Variants in KCNK10 observed in about 807,000 individuals in gnomAD.
KCNK10 encodes potassium channel subfamily K member 10.
In KCNK10, 25 loss-of-function variants were observed where a neutral mutation model predicts 47.7. The ratio of observed to expected loss-of-function variants is 0.52; its 90% CI spans 0.38 to 0.73. The LOEUF is 0.73. Ranked by LOEUF, KCNK10 falls within the 30% of genes least tolerant of loss-of-function variation. The pLI is 0.00. For synonymous variants in KCNK10, 303 were observed against 285.6 expected (o/e 1.06, Z -0.61); for missense variants, 563 against 714.5 (o/e 0.79, Z 2.42).
At chr14:88,247,315 C>T (rs1046998098) in intron 2 of KCNK10, among the ~76,000 whole-genome samples, 3 of 152,130 alleles carry the variant, frequency 2.0e-5, no homozygotes, top group Non-Finnish European at 4.4e-5. Flanking sequence ...CAGACACAGC[C>T]AATATGGCAG....
chr14:88,192,990 T>C (rs1386470165), intron 4 of KCNK10, among the ~76,000 whole-genome samples: 2 of 152,234 alleles, frequency 1.3e-5, no homozygotes, highest in South Asian at 2.1e-4. Context: ...TGTGTGTTTC[T>C]TCGCCCCCAC....
intron 2 of KCNK10, among the ~76,000 whole-genome samples, chr14:88,249,398 A>G (rs1206630292): frequency 1.3e-5 from 2 of 152,210 alleles, no homozygotes; most frequent in African/African-American, 4.8e-5. Flanking sequence ...CTGCCACTCT[A>G]AAGGACAACC....
At chr14:88,228,798 A>G (rs914467405) in intron 3 of KCNK10, among the ~76,000 whole-genome samples, 2 of 152,208 alleles carry the variant, frequency 1.3e-5, no homozygotes, top group African/African-American at 2.4e-5. Flanking sequence ...AATCTAAATT[A>G]CAGCTTCCAT....
chr14:88,198,925 A>ATTTTATTTTATTTTATTTTATTTTG (rs1885011436), intron 4 of KCNK10, among the ~76,000 whole-genome samples: 1 of 149,862 alleles, frequency 6.7e-6, no homozygotes, highest in Admixed American at 6.7e-5. Context: ...ATTTTATTTT[A>ATTTTATTTTATTTTATTTTATTTTG]TTTTATTTTT....
chr14:88,306,388 T>C (rs1202536216), intron 1 of KCNK10, among the ~76,000 whole-genome samples: 3 of 152,166 alleles, frequency 2.0e-5, no homozygotes, highest in Non-Finnish European at 2.9e-5. Flanking sequence ...GAAATCTCAT[T>C]TGCATTTTAA....
chr14:88,268,633 T>A (rs1887332828), intron 1 of KCNK10, among the ~76,000 whole-genome samples: 1 of 152,182 alleles, frequency 6.6e-6, no homozygotes, highest in Non-Finnish European at 1.5e-5. Flanking sequence ...CAAATAGGCA[T>A]TAAAAATATT....
At chr14:88,201,690 C>G (rs550155507) in intron 4 of KCNK10, among the ~76,000 whole-genome samples, 2 of 152,240 alleles carry the variant, frequency 1.3e-5, no homozygotes, top group East Asian at 3.9e-4. Flanking sequence ...GAAGGCTACA[C>G]TGAAGCCTAT....
intron 1 of KCNK10, among the ~76,000 whole-genome samples, chr14:88,299,576 C>A (rs78018506): frequency 0.056 from 8,456 of 152,162 alleles, 423 homozygotes; most frequent in East Asian, 0.22. Context: ...AGCACATGAA[C>A]CATAGGTACA....
intron 2 of KCNK10, among the ~76,000 whole-genome samples, chr14:88,254,867 C>T (rs1246827015): frequency 6.8e-6 from 1 of 147,392 alleles, no homozygotes; most frequent in East Asian, 2.2e-4. Context: ...CTACTCGGTT[C>T]GCTTGAGAGA....
intron 1 of KCNK10, among the ~76,000 whole-genome samples, chr14:88,282,030 C>T (rs1456338724): frequency 6.6e-6 from 1 of 151,996 alleles, no homozygotes; most frequent in African/African-American, 2.4e-5. Flanking sequence ...AGGGCAGAAA[C>T]CCTGCTCATT....
chr14:88,325,813 G>T (rs182083820), upstream of KCNK10, among the ~76,000 whole-genome samples: 5 of 152,254 alleles, frequency 3.3e-5, no homozygotes, highest in East Asian at 9.7e-4. Flanking sequence ...ACATCATTCG[G>T]CCAATCAACA....
intron 1 of KCNK10, among the ~76,000 whole-genome samples, chr14:88,318,089 T>A (rs1888466382): frequency 1.3e-5 from 2 of 152,270 alleles, no homozygotes; most frequent in Admixed American, 6.5e-5. Context: ...AACAGCGCAC[T>A]GGAGGTTTAG....
rs1169649212 is a variant in KCNK10, at chr14:88,180,859, T to C, written c.*4676A>G. The C allele has an allele frequency of 2.5e-6, 1 of 398,484 alleles. No individual in the cohort carries two copies. Among genetic ancestry groups the C allele is most frequent in the African/African-American group, 2.1e-5 (1 of 48,594 alleles). 24.7% of individuals were successfully genotyped at this position (398,484 alleles called of 1,614,324 possible). On this transcript the variant is annotated 3_prime_UTR_variant, in exon 7 of 7. Coordinates refer to ENST00000319231, the MANE Select transcript of KCNK10 (RefSeq NM_138317.3). ...ATGTAATTAGCATGCTGTTCCAAAG[T>C]TTCCCTATGCAGAATTAACAGCATC...
At chr14:88,324,576 A>G (rs761687589), upstream of KCNK10, among the ~76,000 whole-genome samples, 15 of 152,182 alleles carry the variant, frequency 9.9e-5, no homozygotes, top group Non-Finnish European at 1.8e-4. Context: ...TGCTGGCCAT[A>G]TGGCAGAGAA....
chr14:88,318,690 C>T (rs1447547789), intron 1 of KCNK10, among the ~76,000 whole-genome samples: 2 of 152,058 alleles, frequency 1.3e-5, no homozygotes, highest in Non-Finnish European at 2.9e-5. Context: ...CCAACTGGCC[C>T]CAAGATCAGA....
At chr14:88,225,961 A>G (rs1885971425) in intron 4 of KCNK10, among the ~76,000 whole-genome samples, 1 of 152,224 alleles carries the variant, frequency 6.6e-6, no homozygotes, top group African/African-American at 2.4e-5. Context: ...GCCAGCCAGC[A>G]TGAAGGAGCA....
chr14:88,292,356 CTGT>C lies in KCNK10; in HGVS notation c.53-28808_53-28806del, dbSNP rs1207943785. On this transcript the variant is annotated intron_variant, in intron 1 of 6. Coordinates refer to ENST00000319231, the MANE Select transcript of KCNK10 (RefSeq NM_138317.3). ...TTGTGATTTTGTTTTGTTGTTGTTG[CTGT>C]TGTTGTTTGAGATGGAGTCTCCCTC... Among the ~76,000 whole-genome samples, 4 of 152,204 alleles carry C rather than the reference CTGT, an allele frequency of 2.6e-5. No individual in the cohort carries two copies. In the East Asian group the frequency reaches 5.8e-4, roughly 22 times the overall value.
At chr14:88,288,580 C>T (rs955680351) in intron 1 of KCNK10, among the ~76,000 whole-genome samples, 5 of 152,150 alleles carry the variant, frequency 3.3e-5, no homozygotes, top group South Asian at 2.1e-4. Flanking sequence ...AATGTAAATT[C>T]GATCCCTCCA....
chr14:88,270,627 G>C, intron 1 of KCNK10: 1 of 761,180 alleles, frequency 1.3e-6, no homozygotes, highest in Non-Finnish European at 2.4e-6. Context: ...GGAGCCATGA[G>C]AAGAGGAAAA....
Sources: allele counts gnomAD v4.1 joint callset (sites outside exome capture counted in the v4.1 genomes callset), GRCh38; gene constraint gnomAD v4.1.1; transcripts MANE v1.5; gene names NCBI Gene and HGNC (gene_info 2026-07-23, HGNC 2026-07-21).